SPOCK3: variants seen among roughly 807,000 people sequenced by gnomAD.
SPOCK3 encodes the protein SPARC (osteonectin), cwcv and kazal like domains proteoglycan 3, also known as testican-3.
A neutral mutation model predicts 56.6 loss-of-function variants in SPOCK3; 30 were observed. The ratio of observed to expected loss-of-function variants is 0.53; its 90% CI spans 0.40 to 0.72. SPOCK3 has a LOEUF of 0.72. Ranked by LOEUF, SPOCK3 falls within the 30% of genes least tolerant of loss-of-function variation. The pLI is 0.00. For missense variants in SPOCK3, 527 were observed against 530.0 expected, an observed-to-expected ratio of 0.99 and a Z score of 0.06; for synonymous variants, 196 against 183.3, an observed-to-expected ratio of 1.07 and a Z score of -0.56.
intron 4 of SPOCK3, among the ~76,000 whole-genome samples, chr4:166,957,563 T>C (rs779168474): frequency 6.6e-6 from 1 of 152,172 alleles, no homozygotes; most frequent in Non-Finnish European, 1.5e-5. Context: ...ATTTTCACAG[T>C]CTAAGGCAGA....
At chr4:167,228,723 T>C (rs1350062315) in intron 2 of SPOCK3, among the ~76,000 whole-genome samples, 3 of 152,158 alleles carry the variant, frequency 2.0e-5, no homozygotes, top group Non-Finnish European at 4.4e-5. Context: ...GTCAGGATGC[T>C]GCCAGAGCCT....
rs1322493617 is a variant in SPOCK3 at position 167,090,984 on chromosome 4, C to T, written c.190-28447G>A. ...GGACATACTGTCTTTAAAAGTTTAACAAGTAATCAAAATGATCCAATTATA... is the reference window on the plus strand; with the variant it reads ...GGACATACTGTCTTTAAAAGTTTAATAAGTAATCAAAATGATCCAATTATA... On this transcript the variant is annotated intron_variant, in intron 2 of 10. Coordinates refer to ENST00000357545, the MANE Select transcript of SPOCK3 (RefSeq NM_001040159.2). 5.3e-5 allele frequency among the ~76,000 whole-genome samples: 8 copies of T among 152,056 alleles called. No individual in the cohort carries two copies. In the East Asian group the frequency reaches 1.5e-3, roughly 29 times the overall value.
At chr4:166,978,881 C>A (rs1473653378) in intron 4 of SPOCK3, among the ~76,000 whole-genome samples, 1 of 152,056 alleles carries the variant, frequency 6.6e-6, no homozygotes, top group Non-Finnish European at 1.5e-5. Context: ...GTTCAGAAGA[C>A]ATCAAAAACA....
In SPOCK3 at chr4:167,191,677, T is replaced by C. The variant is rs1216341625; in HGVS notation, c.189+42308A>G. On this transcript the variant is annotated intron_variant, in intron 2 of 10. Coordinates refer to ENST00000357545, the MANE Select transcript of SPOCK3 (RefSeq NM_001040159.2). ...TTCATGTCTTAGTTCTGACAGTTTT[T>C]TTTTGTGAAGTCTTTATAAGTTTCT... Among the ~76,000 whole-genome samples the C allele has an allele frequency of 4.1e-5, 6 of 145,784 alleles. 1 individual carries two copies. In the East Asian group the frequency reaches 1.2e-3, roughly 30 times the overall value.
At chr4:166,768,129 T>G (rs1032946977) in intron 7 of SPOCK3, among the ~76,000 whole-genome samples, 19 of 152,024 alleles carry the variant, frequency 1.2e-4, no homozygotes, top group Non-Finnish European at 2.2e-4. Context: ...TGATGGGTCT[T>G]GACTCTTTAT....
intron 2 of SPOCK3, among the ~76,000 whole-genome samples, chr4:167,232,756 C>A: frequency 6.6e-6 from 1 of 152,154 alleles, no homozygotes; most frequent in East Asian, 1.9e-4. Context: ...TATTCTCAAT[C>A]AAATGGCTAA....
In SPOCK3 at chr4:166,946,604, T is replaced by A. The variant is rs112802865; in HGVS notation, c.351-33861A>T. On this transcript the variant is annotated intron_variant, in intron 4 of 10. Coordinates refer to ENST00000357545, the MANE Select transcript of SPOCK3 (RefSeq NM_001040159.2). ...ATCACCTTCACAATGAAGCTTTCCC[T>A]GACCATCATCCTCGTCAGCACTGCA... 1.9e-3 allele frequency among the ~76,000 whole-genome samples: 294 copies of A among 152,336 alleles called. 1 individual carries two copies. Among genetic ancestry groups the A allele is most frequent in the African/African-American group, 6.7e-3 (279 of 41,590 alleles).
intron 2 of SPOCK3, among the ~76,000 whole-genome samples, chr4:167,171,186 G>A (rs1475532052): frequency 6.6e-6 from 1 of 151,870 alleles, no homozygotes; most frequent in Non-Finnish European, 1.5e-5. Flanking sequence ...AGGAAAGAAG[G>A]GCTTATTTAT....
chr4:167,211,154 C>T (rs1734833125), intron 2 of SPOCK3, among the ~76,000 whole-genome samples: 3 of 152,102 alleles, frequency 2.0e-5, no homozygotes, highest in African/African-American at 7.2e-5. Context: ...GATTTGACTG[C>T]CCCTTGGATT....
chr4:166,785,196 T>C (rs1221540256), intron 7 of SPOCK3, among the ~76,000 whole-genome samples: 2 of 152,116 alleles, frequency 1.3e-5, no homozygotes, highest in Non-Finnish European at 2.9e-5. Context: ...ACCATCTTAG[T>C]TACTTTTCTA....
intron 2 of SPOCK3, among the ~76,000 whole-genome samples, chr4:167,084,239 C>T (rs1757980964): frequency 6.6e-6 from 1 of 152,048 alleles, no homozygotes; most frequent in Admixed American, 6.6e-5. Flanking sequence ...TATAGTTGAT[C>T]ATTGCCTGAA....
At chr4:167,120,478 G>A (rs1761774290) in intron 2 of SPOCK3, among the ~76,000 whole-genome samples, 1 of 151,990 alleles carries the variant, frequency 6.6e-6, no homozygotes, top group Non-Finnish European at 1.5e-5. Flanking sequence ...TGGCTATCAT[G>A]TTAAAGTAGT....
chr4:166,907,003 G>C (rs1304628259), intron 5 of SPOCK3, among the ~76,000 whole-genome samples: 1 of 151,962 alleles, frequency 6.6e-6, no homozygotes, highest in Admixed American at 6.6e-5. Flanking sequence ...AATATTTAAA[G>C]TATTTGCCAG....
intron 9 of SPOCK3, among the ~76,000 whole-genome samples, chr4:166,740,502 A>G (rs953456814): frequency 1.3e-5 from 1 of 79,906 alleles, no homozygotes; most frequent in Non-Finnish European, 2.5e-5. Context: ...ACTTATTATT[A>G]TTATTATTAT....
intron 4 of SPOCK3, among the ~76,000 whole-genome samples, chr4:166,966,974 C>T (rs1744806575): frequency 6.6e-6 from 1 of 152,122 alleles, no homozygotes; most frequent in Non-Finnish European, 1.5e-5. Flanking sequence ...TACCTACCAG[C>T]ATCATGCAAC....
At chr4:166,779,099 T>A (rs1269818526) in intron 7 of SPOCK3, among the ~76,000 whole-genome samples, 1 of 152,140 alleles carries the variant, frequency 6.6e-6, no homozygotes, top group East Asian at 1.9e-4. Context: ...AGATTGAAGC[T>A]GGCACCCAAG....
In SPOCK3 at chr4:166,735,892, C is replaced by T. The variant is rs550801511; in HGVS notation, c.1133-802G>A. ...TAAGCCACTGAGTGGGAATTTGTTACTAAAGCAACAGAAAACTAATATTTT... is the reference window on the plus strand; with the variant it reads ...TAAGCCACTGAGTGGGAATTTGTTATTAAAGCAACAGAAAACTAATATTTT... On this transcript the variant is annotated intron_variant, in intron 10 of 10. Transcript: ENST00000357545. Among the ~76,000 whole-genome samples, 305 of 151,900 alleles carry T rather than the reference C, an allele frequency of 2.0e-3. 2 individuals carry two copies. Among genetic ancestry groups the T allele is most frequent in the African/African-American group, 7.1e-3 (294 of 41,476 alleles).
At chr4:167,031,024 G>A (rs1250554668) in intron 3 of SPOCK3, among the ~76,000 whole-genome samples, 1 of 151,966 alleles carries the variant, frequency 6.6e-6, no homozygotes, top group Non-Finnish European at 1.5e-5. Flanking sequence ...TCATATCTTT[G>A]AAGGATAATT....
rs764255863 is a variant in SPOCK3, at chr4:167,234,135, G to A, written c.39C>T (p.Ala13=). 3.7e-6 allele frequency: 6 copies of A among 1,613,758 alleles called. No individual in the cohort carries two copies. Among genetic ancestry groups the A allele is most frequent in the Non-Finnish European group, 5.1e-6 (6 of 1,180,002 alleles). ...CTGCGAGAGACTGACTGCACCAAGC[G>A]GCTGCACACACACACAGTACGGCTG... ...KVSAVLCVCA[A]AWCSQSLAAA... Residue 13 remains alanine (A), a synonymous_variant, in exon 2 of 11, where the codon GCC becomes GCT. Transcript: ENST00000357545.
Sources: allele counts gnomAD v4.1 joint callset (sites outside exome capture counted in the v4.1 genomes callset), GRCh38; gene constraint gnomAD v4.1.1; transcripts MANE v1.5; gene names NCBI Gene and HGNC (gene_info 2026-07-23, HGNC 2026-07-21).